The following HERC3 variants were observed in gnomAD, a reference collection of about 807,000 sequenced individuals.
The protein encoded by HERC3 is HECT and RLD domain containing E3 ubiquitin protein ligase 3.
HERC3 carries 58 observed loss-of-function variants against 129.9 expected under a neutral mutation model. The ratio of observed to expected loss-of-function variants is 0.45; its 90% CI spans 0.36 to 0.56. The LOEUF (loss-of-function observed/expected upper bound fraction) is 0.56. Among genes scored for constraint, HERC3 ranks in the 20% least tolerant of loss-of-function variants. HERC3 has a pLI of 0.00. For synonymous variants in HERC3, 430 were observed against 451.0 expected, an observed-to-expected ratio of 0.95 and a Z score of 0.59; for missense variants, 835 against 1,244.2, an observed-to-expected ratio of 0.67 and a Z score of 4.95.
the HERC3 span, among the ~76,000 whole-genome samples, chr4:88,547,578 A>G: frequency 1.3e-5 from 2 of 152,156 alleles, no homozygotes; most frequent in South Asian, 2.1e-4. Context: ...TAATTTGCCT[A>G]TTTTGGATAT....
At chr4:88,669,837 A>G in intron 14 of HERC3, 23 bp from the exon 15 acceptor site, 1 of 1,599,018 alleles carries the variant, frequency 6.3e-7, no homozygotes, top group East Asian at 2.2e-5. Flanking sequence ...ATGTTGAAAT[A>G]TGTCTTTTCT....
intron 23 of HERC3, among the ~76,000 whole-genome samples, chr4:88,698,492 G>A (rs1389679312): frequency 6.6e-6 from 1 of 151,834 alleles, no homozygotes; most frequent in Non-Finnish European, 1.5e-5. Flanking sequence ...AGCTCCCGGT[G>A]TCCTGGTGTG....
At chr4:88,660,773 G>A (rs991140945) in intron 10 of HERC3, among the ~76,000 whole-genome samples, 11 of 151,988 alleles carry the variant, frequency 7.2e-5, no homozygotes, top group Non-Finnish European at 1.6e-4. Context: ...CTTTTTCCTG[G>A]AACAGTGATT....
intron 3 of HERC3, among the ~76,000 whole-genome samples, chr4:88,631,765 TTCTC>T (rs1322849911): frequency 6.6e-6 from 1 of 152,350 alleles, no homozygotes; most frequent in Non-Finnish European, 1.5e-5. Flanking sequence ...TTTTTGGACT[TTCTC>T]TGATGTTTAA....
chr4:88,537,448 AT>A, the HERC3 span, among the ~76,000 whole-genome samples: 1 of 152,158 alleles, frequency 6.6e-6, no homozygotes, highest in Non-Finnish European at 1.5e-5. Flanking sequence ...TAAGTTACAC[AT>A]TTTTTGCCAG....
chr4:88,691,812 T>C (rs1406286064), intron 23 of HERC3, among the ~76,000 whole-genome samples: 1 of 152,248 alleles, frequency 6.6e-6, no homozygotes, highest in Non-Finnish European at 1.5e-5. Flanking sequence ...TTAGCAGTCC[T>C]AAATTATATG....
the HERC3 span, among the ~76,000 whole-genome samples, chr4:88,560,895 A>G: frequency 6.6e-6 from 1 of 152,106 alleles, no homozygotes; most frequent in South Asian, 2.1e-4. Flanking sequence ...ATGTGACTGT[A>G]TATGCTTGGA....
chr4:88,575,754 A>T, the HERC3 span, among the ~76,000 whole-genome samples: 1 of 152,232 alleles, frequency 6.6e-6, no homozygotes, highest in Non-Finnish European at 1.5e-5. Flanking sequence ...CGTTCATTTA[A>T]TATTTCATTT....
At chr4:88,622,635 A>G (rs1725663538) in intron 3 of HERC3, among the ~76,000 whole-genome samples, 2 of 151,914 alleles carry the variant, frequency 1.3e-5, no homozygotes, top group Non-Finnish European at 2.9e-5. Context: ...TCTTTTTAAA[A>G]TGTAGATCTG....
chr4:88,646,153 G>T (rs1171367852), intron 3 of HERC3, among the ~76,000 whole-genome samples: 1 of 152,136 alleles, frequency 6.6e-6, no homozygotes, highest in African/African-American at 2.4e-5. Flanking sequence ...CTGAGCTGAG[G>T]ACAACAACCC....
intron 3 of HERC3, among the ~76,000 whole-genome samples, chr4:88,614,724 T>C (rs1458946755): frequency 2.6e-5 from 4 of 152,178 alleles, no homozygotes; most frequent in Non-Finnish European, 5.9e-5. Flanking sequence ...TCTTGAATTA[T>C]TTACTTCTTA....
At chr4:88,558,707 T>A in the HERC3 span, among the ~76,000 whole-genome samples, 3 of 151,928 alleles carry the variant, frequency 2.0e-5, no homozygotes, top group Non-Finnish European at 2.9e-5. Context: ...CTCACGCCTG[T>A]AATCCCAGCA....
At chr4:88,688,406 T>A (rs2149327773) in intron 23 of HERC3, among the ~76,000 whole-genome samples, 1 of 152,278 alleles carries the variant, frequency 6.6e-6, no homozygotes, top group South Asian at 2.1e-4. Context: ...TGTGCAGGGA[T>A]ACCCATTAGG....
intron 2 of HERC3, 57 bp from the exon 3 acceptor site, chr4:88,605,738 T>G: frequency 9.9e-7 from 1 of 1,010,054 alleles, no homozygotes; most frequent in Non-Finnish European, 1.5e-6. Context: ...CATTACTTGA[T>G]TTTCTATGAC....
At chr4:88,531,176 A>ATTTTTTAAATTTTTAAAATTTAAAAT in the HERC3 span, among the ~76,000 whole-genome samples, 1 of 151,712 alleles carries the variant, frequency 6.6e-6, no homozygotes, top group African/African-American at 2.4e-5. Context: ...ATTTTTAAAA[A>ATTTTTTAAATTTTTAAAATTTAAAAT]TTTTTTAAAT....
chr4:88,537,428 T>C, the HERC3 span, among the ~76,000 whole-genome samples: 1 of 152,266 alleles, frequency 6.6e-6, no homozygotes, highest in South Asian at 2.1e-4. Flanking sequence ...ATTCAGGTAA[T>C]ATATATTTTT....
At chr4:88,610,402 G>A (rs6853382) in intron 3 of HERC3, among the ~76,000 whole-genome samples, 5,835 of 146,328 alleles carry the variant, frequency 0.04, 332 homozygotes, top group East Asian at 0.27. Flanking sequence ...GCAGTGAGCC[G>A]AGATCACGCC....
Position 88,676,257 on chromosome 4 carries a change from TA to T in HERC3, c.1935+19del. The T allele has an allele frequency of 1.3e-6, 2 of 1,570,218 alleles. No individual in the cohort carries two copies. Among genetic ancestry groups the T allele is most frequent in the Non-Finnish European group, 1.8e-6 (2 of 1,140,310 alleles). On this transcript the variant is annotated intron_variant, in intron 17 of 25. Coordinates refer to ENST00000402738, the MANE Select transcript of HERC3 (RefSeq NM_014606.3). ...AATAATACAGGTAAATGATCCTTTTTAAATTTGCTTTTATATTTTTCCAGCT... is the reference window on the plus strand; with the variant it reads ...AATAATACAGGTAAATGATCCTTTTTAATTTGCTTTTATATTTTTCCAGCT...
At chr4:88,613,866 T>A (rs945695159) in intron 3 of HERC3, among the ~76,000 whole-genome samples, 1 of 152,306 alleles carries the variant, frequency 6.6e-6, no homozygotes, top group African/African-American at 2.4e-5. Context: ...TCTTGCCTCC[T>A]TTGATAGCTA....
Sources: allele counts gnomAD v4.1 joint callset (sites outside exome capture counted in the v4.1 genomes callset), GRCh38; gene constraint gnomAD v4.1.1; transcripts MANE v1.5; gene names NCBI Gene and HGNC (gene_info 2026-07-23, HGNC 2026-07-21).